The following GLRA2 variants were observed in gnomAD, a reference collection of about 807,000 sequenced individuals.
The protein encoded by GLRA2 is glycine receptor alpha 2, also known as glycine receptor subunit alpha-2.
Under a neutral mutation model 31.6 loss-of-function variants are expected in GLRA2, and 11 were observed. The ratio of observed to expected loss-of-function variants is 0.35; its 90% CI spans 0.22 to 0.58. The LOEUF (loss-of-function observed/expected upper bound fraction) is 0.58, where lower values mean the gene tolerates loss of function less well. GLRA2 is among the 20% of genes least tolerant of loss of function. The pLI is 0.84. For missense variants in GLRA2, 212 were observed against 351.8 expected, an observed-to-expected ratio of 0.60 and a Z score of 3.18; for synonymous variants, 132 against 134.0, an observed-to-expected ratio of 0.99 and a Z score of 0.10.
At chrX:14,454,188 CCACACACACACACACA>C in the GLRA2 span, among the ~76,000 whole-genome samples, 20 of 101,529 alleles carry the variant, frequency 2.0e-4, no homozygotes, top group Non-Finnish European at 3.6e-4. Flanking sequence ...ACCCACACAC[CCACACACACACACACA>C]CACACACACA....
At chrX:14,576,555 CCAT>C (rs767273661) in intron 3 of GLRA2, among the ~76,000 whole-genome samples, 1 of 111,765 alleles carries the variant, frequency 8.9e-6, no homozygotes, top group East Asian at 2.8e-4. Flanking sequence ...AATTAGATTC[CCAT>C]GTTGCTTTGA....
the GLRA2 span, among the ~76,000 whole-genome samples, chrX:14,469,654 A>G: frequency 2.2e-5 from 2 of 89,515 alleles, no homozygotes. Context: ...ATGAGAATAC[A>G]TGGACACAGG....
intron 8 of GLRA2, among the ~76,000 whole-genome samples, chrX:14,693,342 A>G (rs1217463717): frequency 8.9e-6 from 1 of 112,076 alleles, no homozygotes; most frequent in East Asian, 2.8e-4. Flanking sequence ...AATATTAGAT[A>G]AAGTAGACTT....
At chrX:14,676,145 T>A (rs932179366) in intron 7 of GLRA2, among the ~76,000 whole-genome samples, 2 of 112,702 alleles carry the variant, frequency 1.8e-5, no homozygotes, top group Non-Finnish European at 3.8e-5. Flanking sequence ...ATAAATTAGA[T>A]AAAATGAAAT....
At chrX:14,652,590 ATG>A (rs1413428651) in intron 7 of GLRA2, among the ~76,000 whole-genome samples, 1 of 111,302 alleles carries the variant, frequency 9.0e-6, no homozygotes, top group Admixed American at 9.6e-5. Flanking sequence ...TATGTCTGTT[ATG>A]GTGATTTGTG....
At chrX:14,555,032 T>C (rs980579557) in intron 2 of GLRA2, among the ~76,000 whole-genome samples, 5 of 112,336 alleles carry the variant, frequency 4.5e-5, no homozygotes, top group African/African-American at 1.3e-4. Flanking sequence ...GATTTAATAA[T>C]GCAATATTTC....
the GLRA2 span, among the ~76,000 whole-genome samples, chrX:14,490,953 C>G: frequency 9.0e-6 from 1 of 111,684 alleles, no homozygotes; most frequent in Non-Finnish European, 1.9e-5. Context: ...AGCATCTGAC[C>G]AATTCAAGAT....
chrX:14,729,699 A>C (rs1192512437), intron 8 of GLRA2, among the ~76,000 whole-genome samples: 1 of 111,423 alleles, frequency 9.0e-6, no homozygotes, highest in Admixed American at 9.6e-5. Flanking sequence ...CTTAGATGTA[A>C]CATCAACATT....
intron 6 of GLRA2, 91 bp from the exon 7 acceptor site, chrX:14,608,900 C>CT (rs35800731): frequency 0.017 from 6,973 of 408,889 alleles, 21 homozygotes; most frequent in Non-Finnish European, 0.02. Flanking sequence ...CTGCAGTAGT[C>CT]TTTTTTTTTT....
chrX:14,568,715 GAAAAA>G (rs201212410), intron 2 of GLRA2, among the ~76,000 whole-genome samples: 1 of 98,322 alleles, frequency 1.0e-5, no homozygotes, highest in Non-Finnish European at 2.0e-5. Context: ...AAAAAGAAAA[GAAAAA>G]AAAGAAATAG....
At chrX:14,538,745 T>C (rs2089360450) in intron 2 of GLRA2, among the ~76,000 whole-genome samples, 1 of 111,819 alleles carries the variant, frequency 8.9e-6, no homozygotes, top group Non-Finnish European at 1.9e-5. Flanking sequence ...GACCTTAAAT[T>C]TAACTGAAGA....
At chrX:14,588,384 C>A (rs895230150) in intron 4 of GLRA2, among the ~76,000 whole-genome samples, 1 of 111,570 alleles carries the variant, frequency 9.0e-6, no homozygotes, top group Non-Finnish European at 1.9e-5. Flanking sequence ...TGTCAAAGAT[C>A]AGCTGGTTGT....
chrX:14,662,241 C>G (rs1247993788), intron 7 of GLRA2, among the ~76,000 whole-genome samples: 1 of 109,157 alleles, frequency 9.2e-6, no homozygotes, highest in East Asian at 2.8e-4. Flanking sequence ...ATTCATAAAG[C>G]AGAATAAAAC....
At chrX:14,674,114 A>T (rs1261171685) in intron 7 of GLRA2, among the ~76,000 whole-genome samples, 1 of 112,213 alleles carries the variant, frequency 8.9e-6, no homozygotes, top group East Asian at 2.8e-4. Flanking sequence ...TGGTAAAGTT[A>T]ATGAGTGAAC....
At chrX:14,590,233 G>A (rs927976860) in intron 4 of GLRA2, among the ~76,000 whole-genome samples, 2 of 111,107 alleles carry the variant, frequency 1.8e-5, no homozygotes. Context: ...CTTCCCAGTA[G>A]TACTTGAGTT....
chrX:14,578,180 G>C (rs184714685), intron 3 of GLRA2, among the ~76,000 whole-genome samples: 3 of 111,825 alleles, frequency 2.7e-5, no homozygotes, highest in African/African-American at 9.8e-5. Context: ...TTTTAGTTTG[G>C]GGTATTTGTT....
the GLRA2 span, among the ~76,000 whole-genome samples, chrX:14,473,528 TAGA>T: frequency 8.9e-6 from 1 of 112,398 alleles, no homozygotes; most frequent in African/African-American, 3.2e-5. Context: ...TGAATCCTGA[TAGA>T]GGACATCAGC....
chrX:14,682,860 T>C (rs1279964580), intron 7 of GLRA2, among the ~76,000 whole-genome samples: 3 of 110,987 alleles, frequency 2.7e-5, no homozygotes, highest in Non-Finnish European at 1.9e-5. Context: ...TTCATGCATG[T>C]CCCTACAAAG....
chrX:14,697,871 T>A (rs1049337599), intron 8 of GLRA2, among the ~76,000 whole-genome samples: 1 of 112,379 alleles, frequency 8.9e-6, no homozygotes, highest in African/African-American at 3.2e-5. Flanking sequence ...TTGTATGATA[T>A]AAATCCGTTT....
Sources: gnomAD v4.1 joint callset for allele counts (sites outside exome capture counted in the v4.1 genomes callset) on GRCh38, gnomAD v4.1.1 for gene constraint, MANE v1.5 for transcripts, NCBI Gene and HGNC (gene_info 2026-07-23, HGNC 2026-07-21) for gene names.